The following FOXP1 variants were observed in gnomAD, a reference collection of about 807,000 sequenced individuals.
FOXP1 encodes forkhead box protein P1.
Under a neutral mutation model 98.2 loss-of-function variants are expected in FOXP1, and 15 were observed. The ratio of observed to expected loss-of-function variants is 0.15; its 90% confidence interval spans 0.10 to 0.24. The LOEUF (loss-of-function observed/expected upper bound fraction) is 0.24. Ranked by LOEUF, FOXP1 falls within the 10% of genes least tolerant of loss-of-function variation. The pLI, the probability that FOXP1 is intolerant of heterozygous loss-of-function variation, is 1.00. For missense variants in FOXP1, 633 were observed against 848.5 expected (o/e 0.75, Z 3.15); for synonymous variants, 371 against 314.5 (o/e 1.18, Z -1.90).
intron 4 of FOXP1, among the ~76,000 whole-genome samples, chr3:71,349,425 T>C (rs2077625762): frequency 1.3e-5 from 2 of 152,242 alleles, no homozygotes; most frequent in Non-Finnish European, 2.9e-5. Flanking sequence ...TGATCTGTTA[T>C]AACTTAGTAA....
At chr3:71,017,483 T>C (rs886681084) in intron 11 of FOXP1, among the ~76,000 whole-genome samples, 1 of 151,382 alleles carries the variant, frequency 6.6e-6, no homozygotes, top group Non-Finnish European at 1.5e-5. Context: ...TATATTGTTA[T>C]TGTAGAAAAC....
In FOXP1 at chr3:70,957,711, C is replaced by A. The variant is rs573286093; in HGVS notation, c.*1536G>T. On this transcript the variant is annotated 3_prime_UTR_variant, in exon 21 of 21. Coordinates refer to ENST00000649528, the MANE Select transcript of FOXP1 (RefSeq NM_001349338.3). ...TCTGCATACCATGTTTGGGACCCCC[C>A]CAAAGCCCAGGGCCTACATGATATC... 1.0e-3 allele frequency: 245 copies of A among 233,490 alleles called. 2 individuals carry two copies. Among genetic ancestry groups the A allele is most frequent in the Admixed American group, 3.7e-3 (66 of 17,780 alleles). The allele number at this position is 233,490 out of a possible 1,614,324, so 14.5% of individuals were successfully genotyped here.
intron 2 of FOXP1, among the ~76,000 whole-genome samples, chr3:71,541,376 A>G (rs560762038): frequency 6.6e-6 from 1 of 152,370 alleles, no homozygotes; most frequent in African/African-American, 2.4e-5. Flanking sequence ...CTGATAAAGT[A>G]CATCTTGAGC....
chr3:71,080,814 C>T (rs1184018664), intron 7 of FOXP1, among the ~76,000 whole-genome samples: 1 of 152,184 alleles, frequency 6.6e-6, no homozygotes, highest in Non-Finnish European at 1.5e-5. Flanking sequence ...CCATCCTTAA[C>T]CCTAATTTCC....
chr3:71,042,492 C>T (rs889283668), intron 10 of FOXP1, among the ~76,000 whole-genome samples: 5 of 152,090 alleles, frequency 3.3e-5, no homozygotes, highest in Non-Finnish European at 7.4e-5. Flanking sequence ...TAAAGATATT[C>T]TAGATGACAA....
chr3:71,342,318 A>G (rs1399585616), intron 4 of FOXP1, among the ~76,000 whole-genome samples: 1 of 152,206 alleles, frequency 6.6e-6, no homozygotes, highest in African/African-American at 2.4e-5. Flanking sequence ...TGGAACAGAG[A>G]CCATATTATT....
intron 2 of FOXP1, among the ~76,000 whole-genome samples, chr3:71,557,091 A>G (rs1434812611): frequency 1.3e-5 from 2 of 152,230 alleles, no homozygotes; most frequent in African/African-American, 4.8e-5. Context: ...AACATTTTAA[A>G]TTAGATTGAA....
At chr3:71,159,977 T>G (rs1055840781) in intron 6 of FOXP1, among the ~76,000 whole-genome samples, 2 of 152,144 alleles carry the variant, frequency 1.3e-5, no homozygotes, top group African/African-American at 4.8e-5. Context: ...GTCATGCACA[T>G]GTGCTAAATT....
intron 5 of FOXP1, among the ~76,000 whole-genome samples, chr3:71,285,493 G>A (rs567594500): frequency 6.6e-6 from 1 of 152,158 alleles, no homozygotes; most frequent in South Asian, 2.1e-4. Flanking sequence ...AGAGAGTAAA[G>A]AGAAGAAGGG....
At chr3:71,285,075 T>G (rs563220540) in intron 5 of FOXP1, among the ~76,000 whole-genome samples, 11 of 152,252 alleles carry the variant, frequency 7.2e-5, no homozygotes, top group African/African-American at 2.6e-4. Context: ...TGATGACAAT[T>G]TTACATTGGT....
chr3:71,373,209 G>A (rs906606066), intron 3 of FOXP1, among the ~76,000 whole-genome samples: 9 of 152,010 alleles, frequency 5.9e-5, no homozygotes, highest in East Asian at 1.9e-4. Flanking sequence ...TGTATATTCC[G>A]GACCACACCT....
intron 2 of FOXP1, among the ~76,000 whole-genome samples, chr3:71,528,316 A>G: frequency 6.6e-6 from 1 of 152,250 alleles, no homozygotes; most frequent in South Asian, 2.1e-4. Flanking sequence ...CCCCAAAGTC[A>G]TCTGGTAAAC....
chr3:71,343,144 G>A (rs1203168743), intron 4 of FOXP1, among the ~76,000 whole-genome samples: 2 of 152,196 alleles, frequency 1.3e-5, no homozygotes, highest in East Asian at 1.9e-4. Flanking sequence ...AGTTTGCTCT[G>A]ACACTTTCCC....
chr3:71,273,699 T>C (rs933819941), intron 5 of FOXP1, among the ~76,000 whole-genome samples: 2 of 151,478 alleles, frequency 1.3e-5, no homozygotes, highest in Admixed American at 6.6e-5. Context: ...GCCCAGACAA[T>C]GAGCAAAAAA....
chr3:71,521,342 T>C (rs1577987430), intron 2 of FOXP1, among the ~76,000 whole-genome samples: 1 of 152,030 alleles, frequency 6.6e-6, no homozygotes, highest in Admixed American at 6.6e-5. Flanking sequence ...GCCTGGCCAA[T>C]ATGGTGAAAC....
chr3:71,064,905 T>G, intron 7 of FOXP1: 1 of 713,760 alleles, frequency 1.4e-6, no homozygotes, highest in East Asian at 1.4e-4. Context: ...TCCGGCGGCC[T>G]CGGCGTGCAG....
intron 6 of FOXP1, among the ~76,000 whole-genome samples, chr3:71,151,890 A>T (rs2060592058): frequency 6.6e-6 from 1 of 152,126 alleles, no homozygotes; most frequent in Non-Finnish European, 1.5e-5. Flanking sequence ...AACAGTAGTG[A>T]CTAAGATGGC....
At chr3:71,019,780 C>T (rs971903945) in intron 11 of FOXP1, among the ~76,000 whole-genome samples, 11 of 151,728 alleles carry the variant, frequency 7.2e-5, no homozygotes, top group African/African-American at 1.5e-4. Flanking sequence ...GCAGTGAGCC[C>T]GATTGCACCA....
At chr3:71,491,264 C>A (rs1240608176) in intron 3 of FOXP1, among the ~76,000 whole-genome samples, 1 of 152,196 alleles carries the variant, frequency 6.6e-6, no homozygotes, top group Admixed American at 6.5e-5. Context: ...GACCTACCCA[C>A]CTCGGCCTCC....
Sources: gnomAD v4.1 joint callset for allele counts (sites outside exome capture counted in the v4.1 genomes callset) on GRCh38, gnomAD v4.1.1 for gene constraint, MANE v1.5 for transcripts, NCBI Gene and HGNC (gene_info 2026-07-23, HGNC 2026-07-21) for gene names.